Variants in CCDC3 observed in about 807,000 individuals in gnomAD.
The protein encoded by CCDC3 is coiled-coil domain-containing protein 3.
Under a neutral mutation model 21.4 loss-of-function variants are expected in CCDC3, and 24 were observed. That is an observed-to-expected ratio of 1.12 (90% CI 0.81 to 1.58). CCDC3 has a LOEUF of 1.58. Ranked by LOEUF, CCDC3 falls within the 40% of genes most tolerant of loss-of-function variation. The pLI, the probability that CCDC3 is intolerant of heterozygous loss-of-function variation, is 0.00. For missense variants in CCDC3, 425 were observed against 360.9 expected, an observed-to-expected ratio of 1.18 and a Z score of -1.44; for synonymous variants, 186 against 166.0, an observed-to-expected ratio of 1.12 and a Z score of -0.93.
chr10:12,987,907 G>C (rs767860714), intron 2 of CCDC3, among the ~76,000 whole-genome samples: 2 of 152,144 alleles, frequency 1.3e-5, no homozygotes, highest in Non-Finnish European at 2.9e-5. Context: ...ACTAGTCCAA[G>C]CCTCCAGTCT....
chr10:13,007,574 T>C (rs1019756540), intron 5 of CCDC3, among the ~76,000 whole-genome samples: 1 of 152,114 alleles, frequency 6.6e-6, no homozygotes, highest in African/African-American at 2.4e-5. Flanking sequence ...TCCCGGAACA[T>C]GCTGAGCTTT....
intron 2 of CCDC3, among the ~76,000 whole-genome samples, chr10:12,942,075 A>T (rs1834840774): frequency 6.6e-6 from 1 of 152,160 alleles, no homozygotes; most frequent in African/African-American, 2.4e-5. Flanking sequence ...TGCCTTTGAG[A>T]TGTCCATTTT....
At chr10:13,043,341 C>A (rs1836485975) in intron 5 of CCDC3, among the ~76,000 whole-genome samples, 1 of 152,264 alleles carries the variant, frequency 6.6e-6, no homozygotes, top group African/African-American at 2.4e-5. Context: ...CCTGTAATCC[C>A]AGCTACTTTG....
At chr10:12,953,763 GA>G (rs892536985) in intron 2 of CCDC3, among the ~76,000 whole-genome samples, 1 of 151,968 alleles carries the variant, frequency 6.6e-6, no homozygotes, top group East Asian at 1.9e-4. Flanking sequence ...GATCACAGAA[GA>G]AAAAAAACCT....
chr10:12,986,186 C>T (rs1238570691), intron 2 of CCDC3, among the ~76,000 whole-genome samples: 1 of 152,086 alleles, frequency 6.6e-6, no homozygotes, highest in African/African-American at 2.4e-5. Flanking sequence ...GCCATTTTTG[C>T]CATTAAAAGT....
chr10:12,975,193 AC>A (rs1295645551), intron 2 of CCDC3, among the ~76,000 whole-genome samples: 4 of 152,104 alleles, frequency 2.6e-5, no homozygotes, highest in Non-Finnish European at 4.4e-5. Flanking sequence ...CAAGACCCTG[AC>A]CCGGCTCCTT....
In CCDC3 at chr10:12,898,438, C is replaced by G; in HGVS notation, c.791G>C (p.Arg264Pro). Residue 264 changes from arginine (R) to proline (P), a missense_variant, in exon 3 of 3, where the codon CGC becomes CCC. Physicochemically the swap from Arg to Pro is moderately radical, Grantham distance 103. Transcript: ENST00000378825. The part of the protein sequence containing the change: ...LPHINARGPV[R>P]PPYLRG ...CCGTTACCCCCGCAGGTAGGGGGGG[C>G]GCACGGGCCCCCGGGCATTGATGTG... 6.2e-7 allele frequency: 1 copy of G among 1,604,592 alleles called. No individual in the cohort carries two copies. The highest frequency in any genetic ancestry group is 8.5e-7 in the Non-Finnish European group (1 of 1,174,258).
chr10:13,033,631 A>G (rs1836334917), intron 5 of CCDC3, among the ~76,000 whole-genome samples: 3 of 152,240 alleles, frequency 2.0e-5, no homozygotes, highest in Admixed American at 1.3e-4. Context: ...CAAAGAACTT[A>G]AACAAATTTA....
intron 2 of CCDC3, among the ~76,000 whole-genome samples, chr10:12,971,891 G>T (rs930959647): frequency 2.6e-5 from 4 of 152,002 alleles, no homozygotes; most frequent in Admixed American, 6.6e-5. Context: ...GTTTCACTAC[G>T]TTGGCCAGGC....
Position 12,941,338 on chromosome 10 carries a change from C to G in CCDC3, c.550-42659G>C, listed in dbSNP as rs1834828423. 2.0e-5 allele frequency among the ~76,000 whole-genome samples: 3 copies of G among 152,146 alleles called. No homozygotes were observed. The South Asian group carries it at 6.2e-4, about 32-fold the overall frequency. ...AAGAAGTAACCATAAAAATGGGCAA[C>G]CAGCAGCTCCCAGGGCTGCTCTGTC... is the stretch of plus-strand genomic sequence containing the variant. On this transcript the variant is annotated intron_variant, in intron 2 of 2. Transcript: ENST00000378825.
At chr10:12,907,832 G>A (rs1834198135) in intron 2 of CCDC3, among the ~76,000 whole-genome samples, 1 of 152,102 alleles carries the variant, frequency 6.6e-6, no homozygotes, top group Admixed American at 6.6e-5. Flanking sequence ...ATTGCAGGAT[G>A]TGACGCAGAT....
chr10:13,086,088 T>C (rs1837100213), intron 3 of CCDC3, among the ~76,000 whole-genome samples: 1 of 152,148 alleles, frequency 6.6e-6, no homozygotes. Flanking sequence ...AAGAGAGGCC[T>C]TGTTATTTAG....
intron 2 of CCDC3, among the ~76,000 whole-genome samples, chr10:12,977,082 T>G (rs1028081025): frequency 8.6e-5 from 13 of 152,016 alleles, no homozygotes; most frequent in African/African-American, 2.9e-4. Flanking sequence ...GAGACCAACC[T>G]CACCAACATG....
chr10:13,052,448 T>G (rs1277984746), intron 4 of CCDC3, among the ~76,000 whole-genome samples: 1 of 152,230 alleles, frequency 6.6e-6, no homozygotes, highest in Non-Finnish European at 1.5e-5. Flanking sequence ...TTCTATTCCA[T>G]TTTATTAATT....
chr10:13,039,310 C>A (rs1454898290), intron 5 of CCDC3, among the ~76,000 whole-genome samples: 1 of 152,022 alleles, frequency 6.6e-6, no homozygotes, highest in African/African-American at 2.4e-5. Context: ...GTAATCCCAG[C>A]TACTCAGGAG....
chr10:13,094,328 G>A lies in CCDC3; in HGVS notation c.-503+4197C>T, dbSNP rs557975085. 1.1e-4 allele frequency among the ~76,000 whole-genome samples: 17 copies of A among 151,796 alleles called. No individual in the cohort carries two copies. The East Asian group carries it at 2.0e-3, about 17-fold the overall frequency. On this transcript the variant is annotated intron_variant, in intron 3 of 6. Coordinates refer to the CCDC3 transcript ENST00000378839. ...GGCTGGAGTGCAATGGCACGATCTC[G>A]GCTCACTGCAACCTCCACCTCCCAG...
chr10:13,096,985 C>T (rs1832634780), intron 3 of CCDC3, among the ~76,000 whole-genome samples: 1 of 152,200 alleles, frequency 6.6e-6, no homozygotes, highest in East Asian at 1.9e-4. Flanking sequence ...AGAAGAAAGG[C>T]TGTACTTCTA....
intron 5 of CCDC3, among the ~76,000 whole-genome samples, chr10:13,009,880 G>C (rs1595766): frequency 0.029 from 4,409 of 152,306 alleles, 147 homozygotes; most frequent in Admixed American, 0.11. Context: ...TCAAGCCATA[G>C]ACTGGATGAA....
intron 3 of CCDC3, among the ~76,000 whole-genome samples, chr10:13,090,031 T>TTATA (rs1837162047): frequency 1.3e-4 from 1 of 7,830 alleles, no homozygotes; most frequent in African/African-American, 1.6e-4. Flanking sequence ...TAGTATTCCG[T>TTATA]TAGATATATA....
Sources: allele counts gnomAD v4.1 joint callset (sites outside exome capture counted in the v4.1 genomes callset), GRCh38; gene constraint gnomAD v4.1.1; transcripts MANE v1.5; gene names NCBI Gene and HGNC (gene_info 2026-07-23, HGNC 2026-07-21).